NWD1: variants seen among roughly 807,000 people sequenced by gnomAD.
NWD1 encodes the protein NACHT domain- and WD repeat-containing protein 1.
A neutral mutation model predicts 135.1 loss-of-function variants in NWD1; 129 were observed. The observed-to-expected ratio is 0.96, with a 90% confidence interval of 0.83 to 1.11. NWD1 has a LOEUF of 1.11. Among genes scored for constraint, NWD1 ranks in the 50% least tolerant of loss-of-function variants. NWD1 has a pLI of 0.00. For missense variants in NWD1, 1,740 were observed against 1,851.3 expected (o/e 0.94, Z 1.10); for synonymous variants, 773 against 786.0 (o/e 0.98, Z 0.28).
chr19:16,784,748 G>A (rs1365661593), intron 12 of NWD1, among the ~76,000 whole-genome samples: 1 of 151,954 alleles, frequency 6.6e-6, no homozygotes, highest in African/African-American at 2.4e-5. Context: ...GGCCAACATG[G>A]TGAACCCCTG....
chr19:16,763,414 C>T (rs532582689), intron 8 of NWD1, among the ~76,000 whole-genome samples: 19 of 152,254 alleles, frequency 1.2e-4, no homozygotes, highest in African/African-American at 3.4e-4. Flanking sequence ...ATTTCCCACC[C>T]GCATCCCCTA....
chr19:16,797,647 C>T (rs930151966), intron 15 of NWD1, 85 bp from the exon 16 acceptor site: 23 of 1,328,396 alleles, frequency 1.7e-5, no homozygotes, highest in Middle Eastern at 2.3e-4. Flanking sequence ...CACATCCGGC[C>T]TCCAAAACAC....
intron 4 of NWD1, among the ~76,000 whole-genome samples, chr19:16,743,716 T>C (rs1381086334): frequency 2.0e-5 from 3 of 152,054 alleles, no homozygotes; most frequent in Non-Finnish European, 2.9e-5. Flanking sequence ...AGAGTCTTAC[T>C]CTGTTGCCCA....
intron 6 of NWD1, among the ~76,000 whole-genome samples, chr19:16,752,322 T>C (rs1326853528): frequency 1.3e-5 from 2 of 152,188 alleles, no homozygotes; most frequent in Non-Finnish European, 2.9e-5. Flanking sequence ...TCTGCCTGTT[T>C]CTTTGCCAGA....
At chr19:16,793,716 A>C (rs1471831302) in intron 14 of NWD1, among the ~76,000 whole-genome samples, 1 of 151,470 alleles carries the variant, frequency 6.6e-6, no homozygotes, top group Non-Finnish European at 1.5e-5. Flanking sequence ...AGCTGGGACT[A>C]CGGGCATGTG....
At chr19:16,787,050 T>G (rs1401247932) in intron 12 of NWD1, among the ~76,000 whole-genome samples, 1 of 152,220 alleles carries the variant, frequency 6.6e-6, no homozygotes, top group African/African-American at 2.4e-5. Context: ...TTCTACATAA[T>G]CCAGTTGGTC....
intron 5 of NWD1, chr19:16,745,189 T>C (rs1968258881): frequency 1.3e-5 from 5 of 399,130 alleles, no homozygotes; most frequent in Non-Finnish European, 2.5e-5. Flanking sequence ...AAATTCCTTA[T>C]AAAACCATCA....
chr19:16,789,317 A>C (rs982107424), intron 13 of NWD1, 127 bp downstream of exon 13: 12 of 690,746 alleles, frequency 1.7e-5, no homozygotes, highest in Non-Finnish European at 3.0e-5. Context: ...GGAGTACACA[A>C]CCACTTGAGA....
intron 10 of NWD1, among the ~76,000 whole-genome samples, chr19:16,769,692 G>GTGGCAA (rs1246457247): frequency 1.3e-5 from 2 of 152,130 alleles, no homozygotes; most frequent in Non-Finnish European, 2.9e-5. Context: ...CAGCCCTTCT[G>GTGGCAA]TGGCAACTTT....
chr19:16,749,591 G>A lies in NWD1; in HGVS notation c.949G>A (p.Glu317Lys), dbSNP rs775547674. 6.2e-7 allele frequency: 1 copy of A among 1,613,038 alleles called. No homozygotes were observed. The highest frequency in any genetic ancestry group is 1.3e-5 in the African/African-American group (1 of 75,004). Reference sequence around the variant, plus strand: ...CATTCAGACCTTCTGCGGACGCCAGGAACTCCTGGCCCGGCTTGGGCAGCA... The same window carrying A: ...CATTCAGACCTTCTGCGGACGCCAGAAACTCCTGGCCCGGCTTGGGCAGCA... ...EVIQTFCGRQ[E>K]LLARLGQQLR... Residue 317 changes from glutamate to lysine, a missense_variant, in exon 6 of 19, where the codon GAA (glutamate) becomes AAA (lysine). Glu to Lys is a moderately conservative substitution (Grantham distance 56). Transcript: ENST00000524140.
intron 12 of NWD1, 78 bp downstream of exon 12, chr19:16,779,543 C>G: frequency 7.3e-7 from 1 of 1,376,220 alleles, no homozygotes; most frequent in Non-Finnish European, 1.0e-6. Flanking sequence ...CCCACAGATT[C>G]ACTTCTCTGT....
At chr19:16,765,941 TG>T in intron 10 of NWD1, among the ~76,000 whole-genome samples, 1 of 142,990 alleles carries the variant, frequency 7.0e-6, no homozygotes, top group African/African-American at 2.6e-5. Context: ...TGCTGGAACC[TG>T]GGAGGCGGAG....
chr19:16,765,326 C>A (rs1026653665), intron 10 of NWD1, 134 bp downstream of exon 10: 4 of 920,190 alleles, frequency 4.3e-6, no homozygotes, highest in Non-Finnish European at 4.7e-6. Flanking sequence ...GAATTTTCCC[C>A]CAGCAGTGCT....
intron 13 of NWD1, among the ~76,000 whole-genome samples, chr19:16,789,875 G>A (rs371383273): frequency 1.2e-4 from 18 of 151,914 alleles, no homozygotes; most frequent in East Asian, 7.7e-4. Flanking sequence ...ACGCCACCAC[G>A]CCCAGCTAAT....
At chr19:16,791,840 G>A (rs1301562044) in intron 14 of NWD1, among the ~76,000 whole-genome samples, 4 of 152,110 alleles carry the variant, frequency 2.6e-5, no homozygotes, top group Admixed American at 1.3e-4. Context: ...TCAGCCTTCC[G>A]AGTAGCTGGG....
In NWD1 at chr19:16,762,142, A is replaced by G. The variant is rs576322915; in HGVS notation, c.2133+4A>G. ...ACCACTGAACTTGGACCGAAAGGTG[A>G]GGTACCTGGGACCCCCATTCCCCAC... is the stretch of plus-strand genomic sequence containing the variant. On this transcript the variant is annotated splice_donor_region_variant and intron_variant, in intron 8 of 18. Transcript: ENST00000524140. 336 of 1,611,104 alleles carry G rather than the reference A, an allele frequency of 2.1e-4. 1 individual carries two copies. In the South Asian group the frequency reaches 3.4e-3, roughly 16 times the overall value.
In NWD1 at chr19:16,749,455, G is replaced by A. The variant is rs530057607; in HGVS notation, c.813G>A (p.Val271=). The A allele has an allele frequency of 2.7e-5, 44 of 1,613,254 alleles. No individual in the cohort carries two copies. The South Asian group carries it at 4.5e-4, about 17-fold the overall frequency. The change falls in exon 6 of 19, where the codon GTG becomes GTA. Residue 271 remains valine, a synonymous_variant. Coordinates refer to ENST00000524140, the MANE Select transcript of NWD1 (RefSeq NM_001007525.5). ...YLKELGEQFV[V]RANHQVLTRL... is the part of the protein sequence containing the mutation. ...AGGAGCTGGGTGAGCAGTTTGTGGT[G>A]AGGGCCAATCACCAGGTCCTCACAC... is the stretch of plus-strand genomic sequence containing the variant.
intron 13 of NWD1, among the ~76,000 whole-genome samples, chr19:16,789,653 G>A (rs1398548372): frequency 2.0e-5 from 3 of 149,678 alleles, no homozygotes; most frequent in Non-Finnish European, 1.5e-5. Context: ...ATTCCATTTT[G>A]ATGATGTAAA....
At chr19:16,771,590 G>A (rs1180619955) in intron 10 of NWD1, among the ~76,000 whole-genome samples, 1 of 152,192 alleles carries the variant, frequency 6.6e-6, no homozygotes, top group Non-Finnish European at 1.5e-5. Flanking sequence ...CAGGAAAACA[G>A]CCTTGGGCAT....
Sources: gnomAD v4.1 joint callset for allele counts (sites outside exome capture counted in the v4.1 genomes callset) on GRCh38, gnomAD v4.1.1 for gene constraint, MANE v1.5 for transcripts, NCBI Gene and HGNC (gene_info 2026-07-23, HGNC 2026-07-21) for gene names.